Variants in C8orf34 observed in about 807,000 individuals in gnomAD.
C8orf34 encodes uncharacterized protein C8orf34.
C8orf34 carries 65 observed loss-of-function variants against 68.3 expected under a neutral mutation model. That is an observed-to-expected ratio of 0.95 (90% CI 0.78 to 1.17). The LOEUF is 1.17. Among genes scored for constraint, C8orf34 ranks in the 50% most tolerant of loss-of-function variants. C8orf34 has a pLI of 0.00. For missense variants in C8orf34, 664 were observed against 655.4 expected (o/e 1.01, Z -0.14); for synonymous variants, 244 against 241.2 (o/e 1.01, Z -0.11).
chr8:68,555,402 T>A (rs184489021), intron 7 of C8orf34, among the ~76,000 whole-genome samples: 1 of 152,132 alleles, frequency 6.6e-6, no homozygotes, highest in African/African-American at 2.4e-5. Flanking sequence ...TCTTTTGTTC[T>A]TTTATCTTTT....
At chr8:68,350,490 A>T (rs1483356856) in intron 1 of C8orf34, among the ~76,000 whole-genome samples, 1 of 151,842 alleles carries the variant, frequency 6.6e-6, no homozygotes, top group Non-Finnish European at 1.5e-5. Flanking sequence ...TATCTTTGTT[A>T]ATATTCTACC....
chr8:68,589,573 T>A (rs1226207563), intron 7 of C8orf34, among the ~76,000 whole-genome samples: 39 of 130,170 alleles, frequency 3.0e-4, no homozygotes, highest in South Asian at 5.0e-4. Context: ...GAGAGAAAGG[T>A]GGGGGAAGGA....
At chr8:68,583,376 C>T (rs1432248007) in intron 7 of C8orf34, among the ~76,000 whole-genome samples, 5 of 152,106 alleles carry the variant, frequency 3.3e-5, no homozygotes, top group African/African-American at 1.2e-4. Flanking sequence ...TCCACTTATA[C>T]TGAAGCTTAG....
chr8:68,418,680 A>G (rs974126056), intron 1 of C8orf34, among the ~76,000 whole-genome samples: 1 of 152,194 alleles, frequency 6.6e-6, no homozygotes, highest in Admixed American at 6.5e-5. Flanking sequence ...AACACCGCAT[A>G]TCTACAACTA....
intron 3 of C8orf34, among the ~76,000 whole-genome samples, chr8:68,457,413 A>C (rs1011054513): frequency 1.3e-5 from 2 of 152,200 alleles, no homozygotes; most frequent in Non-Finnish European, 2.9e-5. Flanking sequence ...CATATTTAAA[A>C]CGAAAGTAGA....
At chr8:68,369,167 A>G (rs559752927) in intron 1 of C8orf34, among the ~76,000 whole-genome samples, 3 of 152,348 alleles carry the variant, frequency 2.0e-5, no homozygotes, top group Admixed American at 6.5e-5. Flanking sequence ...GTGCTTCCAC[A>G]TCACTATTCC....
intron 10 of C8orf34, among the ~76,000 whole-genome samples, chr8:68,721,802 A>G (rs1416698665): frequency 6.6e-6 from 1 of 152,052 alleles, no homozygotes; most frequent in Non-Finnish European, 1.5e-5. Flanking sequence ...TAAACTATAT[A>G]TCTTCAATAC....
chr8:68,356,052 G>A (rs1009880208), intron 1 of C8orf34, among the ~76,000 whole-genome samples: 1 of 152,094 alleles, frequency 6.6e-6, no homozygotes, highest in Non-Finnish European at 1.5e-5. Flanking sequence ...TATTTTGCCA[G>A]TCTTTTAAAT....
chr8:68,554,668 T>G (rs1036042910), intron 7 of C8orf34, among the ~76,000 whole-genome samples: 1 of 152,014 alleles, frequency 6.6e-6, no homozygotes, highest in African/African-American at 2.4e-5. Context: ...TCACATTTAA[T>G]TTTCATAATA....
intron 10 of C8orf34, among the ~76,000 whole-genome samples, chr8:68,765,193 C>T (rs1823136746): frequency 6.6e-6 from 1 of 152,246 alleles, no homozygotes; most frequent in South Asian, 2.1e-4. Flanking sequence ...TCAGAATAAC[C>T]CCTGAGGAAA....
At position 68,342,996 on chromosome 8, in the gene C8orf34, A is replaced by G. The variant is rs1343762263; in HGVS notation, c.327+11657A>G. ...AGAGGAAAAGAAGAAATTTGTGTAT[A>G]AGTAGAGTTTGGTACTGTATATAGT... is the stretch of plus-strand genomic sequence containing the variant. On this transcript the variant is annotated intron_variant, in intron 1 of 13. Coordinates refer to ENST00000518698, the MANE Select transcript of C8orf34 (RefSeq NM_052958.4). 2.0e-5 allele frequency among the ~76,000 whole-genome samples: 3 copies of G among 152,212 alleles called. No homozygotes were observed. The East Asian group carries it at 5.8e-4, about 29-fold the overall frequency.
intron 1 of C8orf34, among the ~76,000 whole-genome samples, chr8:68,367,790 C>A (rs1447880875): frequency 7.1e-6 from 1 of 140,006 alleles, no homozygotes; most frequent in African/African-American, 2.7e-5. Context: ...GGGAGATATA[C>A]CTAATGCTAG....
chr8:68,702,279 C>T (rs189160549), intron 8 of C8orf34, among the ~76,000 whole-genome samples: 128 of 152,156 alleles, frequency 8.4e-4, no homozygotes, highest in Non-Finnish European at 1.4e-3. Context: ...CAAAAGCTCC[C>T]CAAATACCCT....
intron 7 of C8orf34, among the ~76,000 whole-genome samples, chr8:68,582,474 G>A (rs138579307): frequency 3.3e-5 from 5 of 152,206 alleles, no homozygotes; most frequent in Admixed American, 6.6e-5. Flanking sequence ...TTTTATGGTG[G>A]GCTTTGGGGA....
intron 8 of C8orf34, among the ~76,000 whole-genome samples, chr8:68,678,695 C>T (rs1417109558): frequency 5.9e-5 from 9 of 151,960 alleles, no homozygotes; most frequent in African/African-American, 1.9e-4. Flanking sequence ...AGCAAGGATG[C>T]CCAGTTTCAC....
At chr8:68,745,911 C>A (rs1585817366) in intron 10 of C8orf34, among the ~76,000 whole-genome samples, 1 of 152,158 alleles carries the variant, frequency 6.6e-6, no homozygotes, top group East Asian at 1.9e-4. Flanking sequence ...GAACTCTCCA[C>A]CCCAGATCAA....
At chr8:68,352,587 C>T (rs891454593) in intron 1 of C8orf34, among the ~76,000 whole-genome samples, 19 of 152,186 alleles carry the variant, frequency 1.2e-4, no homozygotes, top group Admixed American at 4.6e-4. Flanking sequence ...TTCATGAATG[C>T]ACTCCTTTAC....
intron 7 of C8orf34, among the ~76,000 whole-genome samples, chr8:68,559,021 G>C (rs908354951): frequency 1.3e-5 from 2 of 152,216 alleles, no homozygotes; most frequent in African/African-American, 4.8e-5. Flanking sequence ...TCTTGAGTTA[G>C]AAAGGTGGGT....
chr8:68,395,371 A>G (rs1171229786), intron 1 of C8orf34, among the ~76,000 whole-genome samples: 1 of 33,346 alleles, frequency 3.0e-5, no homozygotes, highest in Admixed American at 2.8e-4. Context: ...TCACACACAC[A>G]CACACACACA....
Sources: gnomAD v4.1 joint callset for allele counts (sites outside exome capture counted in the v4.1 genomes callset) on GRCh38, gnomAD v4.1.1 for gene constraint, MANE v1.5 for transcripts, NCBI Gene and HGNC (gene_info 2026-07-23, HGNC 2026-07-21) for gene names.